ECI1: variants seen among roughly 807,000 people sequenced by gnomAD.
The protein encoded by ECI1 is enoyl-CoA delta isomerase 1, mitochondrial.
ECI1 carries 34 observed loss-of-function variants against 34.2 expected under a neutral mutation model. The ratio of observed to expected loss-of-function variants is 1.00; its 90% confidence interval spans 0.76 to 1.33. The LOEUF is 1.33. Among genes scored for constraint, ECI1 ranks in the 40% most tolerant of loss-of-function variants. The pLI is 0.00. For missense variants in ECI1, 456 were observed against 422.2 expected (o/e 1.08, Z -0.70); for synonymous variants, 211 against 193.0 (o/e 1.09, Z -0.77).
intron 3 of ECI1, among the ~76,000 whole-genome samples, chr16:2,245,219 C>G (rs1206126454): frequency 6.6e-6 from 1 of 152,194 alleles, no homozygotes; most frequent in South Asian, 2.1e-4. Flanking sequence ...ACAAGGGTAC[C>G]TTCCCCTCTG....
intron 6 of ECI1, chr16:2,241,021 A>G (rs1011287674): frequency 2.0e-5 from 3 of 151,964 alleles, no homozygotes; most frequent in African/African-American, 7.2e-5. Flanking sequence ...TCACTCAACT[A>G]TATTATGAAG....
intron 2 of ECI1, among the ~76,000 whole-genome samples, chr16:2,247,743 C>G (rs1291896089): frequency 6.6e-6 from 1 of 152,110 alleles, no homozygotes; most frequent in Middle Eastern, 3.2e-3. Context: ...CAGGGTCTCA[C>G]TCTATCACCT....
At position 2,239,939 on chromosome 16, in the gene ECI1, C is replaced by G; in HGVS notation, c.*40G>C. 2 of 1,610,150 alleles carry G rather than the reference C, an allele frequency of 1.2e-6. No homozygotes were observed. The highest frequency in any genetic ancestry group is 1.7e-6 in the Non-Finnish European group (2 of 1,177,096). ...TTGTTTAAGACCTCCCTGGGACCCA[C>G]AGGGGCACGTGTGGCCGTAAGCCTG... On this transcript the variant is annotated 3_prime_UTR_variant, in exon 7 of 7. Coordinates refer to ENST00000301729, the MANE Select transcript of ECI1 (RefSeq NM_001919.4).
At chr16:2,251,045 C>G (rs1426154752) in intron 2 of ECI1, among the ~76,000 whole-genome samples, 1 of 152,216 alleles carries the variant, frequency 6.6e-6, no homozygotes, top group Non-Finnish European at 1.5e-5. Context: ...ATCTCGAACT[C>G]CTGACCTCAG....
intron 2 of ECI1, among the ~76,000 whole-genome samples, chr16:2,247,423 G>A (rs2093542983): frequency 6.6e-6 from 1 of 151,604 alleles, no homozygotes. Context: ...TTGAGACGGA[G>A]TTTTGCTCTT....
intron 5 of ECI1, 45 bp downstream of exon 5, chr16:2,243,272 TC>T (rs1453562116): frequency 6.2e-7 from 1 of 1,613,252 alleles, no homozygotes; most frequent in Non-Finnish European, 8.5e-7. Context: ...GCGGGTCTGT[TC>T]CCTCCACAAC....
rs377093536 is a variant in ECI1, at chr16:2,243,149, C to T, written c.639G>A (p.Pro213=). The T allele has an allele frequency of 2.5e-5, 40 of 1,606,796 alleles. No homozygotes were observed. Among genetic ancestry groups the T allele is most frequent in the African/African-American group, 8.0e-5 (6 of 74,932 alleles). Residue 213 remains proline (P), a synonymous_variant, in exon 6 of 7, where the codon CCG becomes CCA. Coordinates refer to ENST00000301729, the MANE Select transcript of ECI1 (RefSeq NM_001919.4). ...ERALQLGLLF[P]PAEALQVGIV... Reference sequence around the variant, plus strand: ...TGCCCACCTGCAGGGCCTCCGCCGGCGGGAAGAGCAGCCCCAGCTGCAGGG... The same window carrying T: ...TGCCCACCTGCAGGGCCTCCGCCGGTGGGAAGAGCAGCCCCAGCTGCAGGG...
At chr16:2,247,576 T>C (rs532181029) in intron 2 of ECI1, among the ~76,000 whole-genome samples, 1 of 152,188 alleles carries the variant, frequency 6.6e-6, no homozygotes, top group East Asian at 1.9e-4. Context: ...TTTGTATTTT[T>C]AGTAGGGACG....
chr16:2,250,022 AAAT>A (rs1169727624), intron 2 of ECI1, among the ~76,000 whole-genome samples: 9 of 148,708 alleles, frequency 6.1e-5, no homozygotes, highest in African/African-American at 1.7e-4. Context: ...AAAAAAAAAA[AAAT>A]AATAATTTTT....
At position 2,251,316 on chromosome 16, in the gene ECI1, C is replaced by G. The variant is rs1424165621; in HGVS notation, c.166G>C (p.Gly56Arg). ...RVLVEPDAGA[G>R]VAVMKFKNPP... ...CCCTCCCTCGGCGCCGCCCGCTCAC[C>G]TGCGCCCGCGTCCGGCTCCACCAGC... Residue 56 changes from glycine (G) to arginine (R), a missense_variant and splice_region_variant, in exon 2 of 7, where the codon GGG becomes CGG. Coordinates refer to ENST00000301729, the MANE Select transcript of ECI1 (RefSeq NM_001919.4). 2 of 1,214,512 alleles carry G rather than the reference C, an allele frequency of 1.6e-6. No homozygotes were observed. The highest frequency in any genetic ancestry group is 3.2e-5 in the African/African-American group (2 of 62,528). 75.2% of individuals were successfully genotyped at this position (1,214,512 alleles called of 1,614,324 possible). A position where few individuals can be genotyped will look rare whatever the true frequency, so the allele number is the denominator to read the frequency against.
At chr16:2,243,471 T>C (rs777094460) in intron 4 of ECI1, 32 bp from the exon 5 acceptor site, 1 of 1,607,350 alleles carries the variant, frequency 6.2e-7, no homozygotes, top group Non-Finnish European at 8.5e-7. Flanking sequence ...GGCTCTTAGG[T>C]GCTGCTGGTC....
intron 2 of ECI1, among the ~76,000 whole-genome samples, chr16:2,250,892 G>A (rs1685114298): frequency 6.6e-6 from 1 of 151,660 alleles, no homozygotes; most frequent in Admixed American, 6.6e-5. Flanking sequence ...CACAATCTCG[G>A]CTCACTGCAG....
intron 6 of ECI1, chr16:2,242,833 G>C (rs1343143310): frequency 1.7e-6 from 1 of 604,316 alleles, no homozygotes; most frequent in Non-Finnish European, 3.0e-6. Context: ...CCCACACTTT[G>C]ATTTTGCACC....
In ECI1 at chr16:2,246,978, C is replaced by T. The variant is rs140154367; in HGVS notation, c.175G>A (p.Val59Met). The T allele has an allele frequency of 7.4e-6, 12 of 1,613,328 alleles. No homozygotes were observed. The African/African-American group carries it at 1.5e-4, about 20-fold the overall frequency. Residue 59 changes from valine to methionine, a missense_variant, in exon 3 of 7, where the codon GTG becomes ATG. Val to Met is a conservative substitution (Grantham distance 21, BLOSUM62 1). Transcript: ENST00000301729. The part of the protein sequence containing the change: ...VEPDAGAGVA[V>M]MKFKNPPVNS... The stretch of plus-strand genomic sequence containing the variant: ...ACTGGGGGGTTCTTGAATTTCATCA[C>T]AGCGACCCCTAATTTAAAGAATGAG...
In ECI1 at chr16:2,240,153, G is replaced by C. The variant is rs774126259; in HGVS notation, c.743-8C>G. The C allele has an allele frequency of 6.2e-7, 1 of 1,613,176 alleles. No individual in the cohort carries two copies. Among genetic ancestry groups the C allele is most frequent in the East Asian group, 2.2e-5 (1 of 44,878 alleles). ...TCAGCTGTCGAGCATGGTCTAAAGA[G>C]AATGGGACGTGCCACTGAAATCCCA... On this transcript the variant is annotated splice_region_variant and splice_polypyrimidine_tract_variant and intron_variant, in intron 6 of 6. Coordinates refer to ENST00000301729, the MANE Select transcript of ECI1 (RefSeq NM_001919.4).
chr16:2,242,783 AAGGAGCCTCCCTGGAACGCAGGG>A (rs2093530649), intron 6 of ECI1: 1 of 521,622 alleles, frequency 1.9e-6, no homozygotes, highest in Admixed American at 3.2e-5. Flanking sequence ...GCGGGGCAGG[AAGGAGCCTCCCTGGAACGCAGGG>A]AGGAAGTGCA....
rs938024273 is a variant in ECI1, at chr16:2,243,297, G to C, written c.563+21C>G. 1.9e-6 allele frequency: 3 copies of C among 1,613,360 alleles called. No individual in the cohort carries two copies. The African/African-American group carries it at 4.0e-5, about 22-fold the overall frequency. On this transcript the variant is annotated intron_variant, in intron 5 of 6. Transcript: ENST00000301729. The stretch of plus-strand genomic sequence containing the variant: ...TCCCTCCACAACAAGCATGGAGCGT[G>C]GCTGCAGCCCAGGGCCTTACCAGAA...
Position 2,243,336 on chromosome 16 carries a change from C to G in ECI1, c.545G>C (p.Gly182Ala), listed in dbSNP as rs752635090. The change falls in exon 5 of 7, where the codon GGC (glycine) becomes GCC (alanine). Residue 182 changes from glycine to alanine, a missense_variant. Gly to Ala is a moderately conservative substitution (Grantham distance 60). Transcript: ENST00000301729. ...YCIGLNETQL[G>A]IIAPFWLKDT... ...GCCTTACCAGAAAGGGGCGATGATG[C>G]CCAGCTGGGTCTCATTGAGTCCTAT... 6.2e-7 allele frequency: 1 copy of G among 1,613,690 alleles called. No individual in the cohort carries two copies. The highest frequency in any genetic ancestry group is 8.5e-7 in the Non-Finnish European group (1 of 1,180,016).
intron 2 of ECI1, 49 bp from the exon 3 acceptor site, chr16:2,247,035 C>T: frequency 6.3e-7 from 1 of 1,598,298 alleles, no homozygotes. Context: ...ACTGGAAAAG[C>T]AGCCTGACCA....
Sources: allele counts gnomAD v4.1 joint callset (sites outside exome capture counted in the v4.1 genomes callset), GRCh38; gene constraint gnomAD v4.1.1; transcripts MANE v1.5; gene names NCBI Gene and HGNC (gene_info 2026-07-23, HGNC 2026-07-21).